DPY19L4: variants seen among roughly 807,000 people sequenced by gnomAD.
DPY19L4 encodes dpy-19 like 4.
DPY19L4 carries 97 observed loss-of-function variants against 102.8 expected under a neutral mutation model. The observed-to-expected ratio is 0.94, with a 90% CI of 0.80 to 1.12. The LOEUF (loss-of-function observed/expected upper bound fraction) is 1.12. DPY19L4 is among the 50% of genes most tolerant of loss of function. DPY19L4 has a pLI of 0.00. For synonymous variants in DPY19L4, 252 were observed against 283.1 expected, an observed-to-expected ratio of 0.89 and a Z score of 1.10; for missense variants, 815 against 850.4, an observed-to-expected ratio of 0.96 and a Z score of 0.52.
intron 6 of DPY19L4, among the ~76,000 whole-genome samples, chr8:94,753,820 C>G (rs1812047822): frequency 6.6e-6 from 1 of 152,124 alleles, no homozygotes; most frequent in Admixed American, 6.5e-5. Context: ...TTGTAGTGAG[C>G]TGAGATTGCA....
At position 94,726,351 on chromosome 8, in the gene DPY19L4, C is replaced by G; in HGVS notation, c.37C>G (p.Gln13Glu). ...EEEGPPVELR[Q>E]RKKPKSSENK... Reference sequence around the variant, plus strand: ...TTAAGGACCACCTGTAGAGCTGCGCCAAAGAAAAAAGCCAAAGTCTTCAGA... The same window carrying G: ...TTAAGGACCACCTGTAGAGCTGCGCGAAAGAAAAAAGCCAAAGTCTTCAGA... Residue 13 changes from glutamine (Q) to glutamate (E), a missense_variant, in exon 2 of 19, where the codon CAA becomes GAA. Coordinates refer to ENST00000414645, the MANE Select transcript of DPY19L4 (RefSeq NM_181787.3). 6.2e-7 allele frequency: 1 copy of G among 1,609,522 alleles called. No individual in the cohort carries two copies. Among genetic ancestry groups the G allele is most frequent in the Non-Finnish European group, 8.5e-7 (1 of 1,178,944 alleles).
chr8:94,746,375 T>TA (rs974866652), intron 6 of DPY19L4, among the ~76,000 whole-genome samples: 4 of 152,294 alleles, frequency 2.6e-5, no homozygotes, highest in African/African-American at 2.4e-5. Flanking sequence ...TGTAATGATT[T>TA]AAAAAACAAT....
At position 94,788,740 on chromosome 8, in the gene DPY19L4, C is replaced by T. The variant is rs181785861; in HGVS notation, c.2007+688C>T. Among the ~76,000 whole-genome samples, 220 of 152,306 alleles carry T rather than the reference C, an allele frequency of 1.4e-3. 2 individuals are homozygous for T. The highest frequency in any genetic ancestry group is 7.8e-4 in the Non-Finnish European group (53 of 68,030). ...AATGCTAGCTGGAATGGATTCTTGA[C>T]TCCTGAGAAAGCTGGGAGTGAGGGA... On this transcript the variant is annotated intron_variant, in intron 18 of 18. Coordinates refer to ENST00000414645, the MANE Select transcript of DPY19L4 (RefSeq NM_181787.3).
chr8:94,763,383 C>T (rs1016760589), intron 8 of DPY19L4, among the ~76,000 whole-genome samples: 2 of 151,362 alleles, frequency 1.3e-5, no homozygotes, highest in African/African-American at 4.9e-5. Context: ...CTCCGTCACC[C>T]AGGCTGGAGT....
chr8:94,766,270 G>A (rs949144032), intron 10 of DPY19L4, among the ~76,000 whole-genome samples: 5 of 152,220 alleles, frequency 3.3e-5, no homozygotes, highest in African/African-American at 1.2e-4. Context: ...AGCTACTTGG[G>A]AGGCTGAGGC....
intron 6 of DPY19L4, among the ~76,000 whole-genome samples, chr8:94,752,161 A>G (rs1811961942): frequency 6.6e-6 from 1 of 152,032 alleles, no homozygotes; most frequent in Non-Finnish European, 1.5e-5. Flanking sequence ...TTTTCTATCA[A>G]AATTGTGTGA....
chr8:94,752,248 C>G (rs561225927), intron 6 of DPY19L4, among the ~76,000 whole-genome samples: 38 of 152,172 alleles, frequency 2.5e-4, no homozygotes, highest in African/African-American at 9.2e-4. Context: ...GTTTATTGGT[C>G]ATTCAAGTAT....
At chr8:94,745,380 T>C (rs1811628873) in intron 6 of DPY19L4, among the ~76,000 whole-genome samples, 1 of 152,214 alleles carries the variant, frequency 6.6e-6, no homozygotes, top group South Asian at 2.1e-4. Flanking sequence ...TACCTAGGTT[T>C]CACTTTCAGG....
chr8:94,782,831 T>G (rs1039205762), intron 16 of DPY19L4, among the ~76,000 whole-genome samples: 3 of 152,232 alleles, frequency 2.0e-5, no homozygotes, highest in Non-Finnish European at 4.4e-5. Context: ...TGTTGAACAC[T>G]GCCTTGTGTT....
At chr8:94,724,788 A>G (rs567445727) in intron 1 of DPY19L4, among the ~76,000 whole-genome samples, 37 of 152,270 alleles carry the variant, frequency 2.4e-4, no homozygotes, top group African/African-American at 8.7e-4. Flanking sequence ...GGGTTTCACC[A>G]TATTGTCCAG....
At chr8:94,752,498 A>G (rs1291325197) in intron 6 of DPY19L4, among the ~76,000 whole-genome samples, 2 of 146,024 alleles carry the variant, frequency 1.4e-5, no homozygotes, top group African/African-American at 5.0e-5. Context: ...AGGCAGGAGA[A>G]TGGTGTGAAC....
intron 8 of DPY19L4, among the ~76,000 whole-genome samples, chr8:94,763,521 T>C (rs1312807380): frequency 2.0e-5 from 3 of 149,172 alleles, no homozygotes; most frequent in Admixed American, 6.7e-5. Flanking sequence ...TTCTTTTCTT[T>C]TTTTTTTTTC....
At chr8:94,720,639 G>T (rs1810416648) in intron 1 of DPY19L4, among the ~76,000 whole-genome samples, 1 of 152,166 alleles carries the variant, frequency 6.6e-6, no homozygotes, top group African/African-American at 2.4e-5. Context: ...GTCAAAGTGG[G>T]TGAGCTGGAG....
chr8:94,771,440 A>G (rs924601100), intron 13 of DPY19L4, among the ~76,000 whole-genome samples: 1 of 152,240 alleles, frequency 6.6e-6, no homozygotes, highest in Non-Finnish European at 1.5e-5. Context: ...TCAATAAGCA[A>G]TAGTGGAACA....
At chr8:94,740,871 A>C (rs1274533195) in intron 6 of DPY19L4, among the ~76,000 whole-genome samples, 1 of 152,156 alleles carries the variant, frequency 6.6e-6, no homozygotes, top group Admixed American at 6.5e-5. Flanking sequence ...GGTTGACCCT[A>C]AAATACTCTA....
chr8:94,738,519 T>C, intron 4 of DPY19L4, 60 bp downstream of exon 4: 1 of 971,708 alleles, frequency 1.0e-6, no homozygotes, highest in Non-Finnish European at 1.4e-6. Flanking sequence ...TTCTTTTCTT[T>C]TTTTTTTTTT....
chr8:94,743,938 G>A lies in DPY19L4; in HGVS notation c.611+4148G>A, dbSNP rs748575019. Among the ~76,000 whole-genome samples the A allele has an allele frequency of 6.6e-5, 10 of 151,578 alleles. 1 individual carries two copies. The highest frequency in any genetic ancestry group is 2.1e-4 in the South Asian group (1 of 4,792). The stretch of plus-strand genomic sequence containing the variant: ...GGAGAATTGCTTGAACTTGAGAGGC[G>A]GAGGCTGCATTGAACTGAGATCATG... On this transcript the variant is annotated intron_variant, in intron 6 of 18. Transcript: ENST00000414645.
At chr8:94,770,839 G>A (rs1420425747) in intron 13 of DPY19L4, among the ~76,000 whole-genome samples, 4 of 151,656 alleles carry the variant, frequency 2.6e-5, no homozygotes, top group South Asian at 4.2e-4. Context: ...GCAATGAGCC[G>A]AGATTGCGCC....
At chr8:94,764,350 G>A (rs996936919) in intron 8 of DPY19L4, among the ~76,000 whole-genome samples, 3 of 152,038 alleles carry the variant, frequency 2.0e-5, no homozygotes, top group African/African-American at 7.2e-5. Flanking sequence ...GCTGAGGCGG[G>A]CAGATCACAA....
Sources: allele counts gnomAD v4.1 joint callset (sites outside exome capture counted in the v4.1 genomes callset), GRCh38; gene constraint gnomAD v4.1.1; transcripts MANE v1.5; gene names NCBI Gene and HGNC (gene_info 2026-07-23, HGNC 2026-07-21).